The following ARHGAP26 variants were observed in gnomAD, a reference collection of about 807,000 sequenced individuals.
ARHGAP26 encodes Rho GTPase activating protein 26, also known as rho GTPase-activating protein 26.
A neutral mutation model predicts 104.8 loss-of-function variants in ARHGAP26; 38 were observed. That is an observed-to-expected ratio of 0.36 (90% confidence interval 0.28 to 0.48). The LOEUF (loss-of-function observed/expected upper bound fraction) is 0.48, where lower values mean the gene tolerates loss of function less well. Ranked by LOEUF, ARHGAP26 falls within the 20% of genes least tolerant of loss-of-function variation. The pLI, the probability that ARHGAP26 is intolerant of heterozygous loss-of-function variation, is 0.99. For missense variants in ARHGAP26, 704 were observed against 947.9 expected, an observed-to-expected ratio of 0.74 and a Z score of 3.38; for synonymous variants, 341 against 340.0, an observed-to-expected ratio of 1.00 and a Z score of -0.03.
intron 10 of ARHGAP26, among the ~76,000 whole-genome samples, chr5:142,924,584 T>G (rs1008409838): frequency 3.3e-5 from 5 of 152,224 alleles, no homozygotes; most frequent in African/African-American, 1.2e-4. Flanking sequence ...ACCTGTGGTT[T>G]GGGGGCTGCC....
chr5:142,805,103 TTTC>T (rs888808442), intron 1 of ARHGAP26, among the ~76,000 whole-genome samples: 1 of 151,852 alleles, frequency 6.6e-6, no homozygotes. Context: ...TTTCCTTTCT[TTTC>T]TTTTTTTTTT....
chr5:142,780,349 A>G (rs928404042), intron 1 of ARHGAP26, among the ~76,000 whole-genome samples: 5 of 152,234 alleles, frequency 3.3e-5, no homozygotes, highest in African/African-American at 9.6e-5. Flanking sequence ...ATGAGTGACA[A>G]ATTCCTAGAA....
At chr5:143,024,994 T>C (rs1174794423) in intron 12 of ARHGAP26, among the ~76,000 whole-genome samples, 1 of 152,196 alleles carries the variant, frequency 6.6e-6, no homozygotes, top group East Asian at 1.9e-4. Context: ...ATCTTTGGTT[T>C]TTTTGGAAGA....
intron 11 of ARHGAP26, among the ~76,000 whole-genome samples, chr5:142,939,546 T>A (rs1352639174): frequency 6.6e-6 from 1 of 152,240 alleles, no homozygotes. Flanking sequence ...AAATGGGCAA[T>A]TGCATTGCAT....
chr5:142,928,416 T>G (rs1005719731), intron 10 of ARHGAP26, among the ~76,000 whole-genome samples: 2 of 152,146 alleles, frequency 1.3e-5, no homozygotes, highest in Non-Finnish European at 2.9e-5. Context: ...ATGAAGCACT[T>G]TAGGTTTTTA....
chr5:143,154,398 T>G (rs1023068239), intron 20 of ARHGAP26, among the ~76,000 whole-genome samples: 1 of 152,216 alleles, frequency 6.6e-6, no homozygotes, highest in East Asian at 1.9e-4. Flanking sequence ...ATAGGTGGCA[T>G]GAAAATTAAG....
At chr5:143,041,963 G>T in intron 14 of ARHGAP26, 73 bp downstream of exon 14, 3 of 1,293,616 alleles carry the variant, frequency 2.3e-6, no homozygotes, top group Non-Finnish European at 2.2e-6. Flanking sequence ...CCAGGTCTGT[G>T]AGTAGATACA....
intron 17 of ARHGAP26, among the ~76,000 whole-genome samples, chr5:143,067,426 T>C (rs1163922904): frequency 3.9e-5 from 6 of 152,186 alleles, no homozygotes; most frequent in Admixed American, 3.9e-4. Flanking sequence ...CTAAAGAAGG[T>C]CATGCCTATA....
intron 19 of ARHGAP26, among the ~76,000 whole-genome samples, chr5:143,144,171 T>G (rs1225733884): frequency 6.6e-6 from 1 of 152,222 alleles, no homozygotes; most frequent in Non-Finnish European, 1.5e-5. Flanking sequence ...ATAATTGCCA[T>G]CAGTCCTTCT....
At chr5:142,798,551 G>T (rs143261813) in intron 1 of ARHGAP26, among the ~76,000 whole-genome samples, 108 of 152,324 alleles carry the variant, frequency 7.1e-4, no homozygotes, top group African/African-American at 2.6e-3. Flanking sequence ...ATGGAGTATT[G>T]TGTAGCATTT....
chr5:142,808,025 G>A (rs943694295), intron 1 of ARHGAP26, among the ~76,000 whole-genome samples: 1 of 151,962 alleles, frequency 6.6e-6, no homozygotes, highest in African/African-American at 2.4e-5. Context: ...CACGAGGTCA[G>A]GAGATCGAAA....
intron 1 of ARHGAP26, among the ~76,000 whole-genome samples, chr5:142,841,072 C>T (rs1349609025): frequency 6.6e-6 from 1 of 152,078 alleles, no homozygotes; most frequent in African/African-American, 2.4e-5. Context: ...TTAAGGATAT[C>T]CAGGGACCTC....
intron 11 of ARHGAP26, among the ~76,000 whole-genome samples, chr5:142,943,353 A>G (rs1766656443): frequency 6.6e-6 from 1 of 152,174 alleles, no homozygotes. Context: ...TATTTCTTAC[A>G]TTTTTGGAGT....
At chr5:142,879,304 G>A in intron 3 of ARHGAP26, 70 bp from the exon 4 acceptor site, 16 of 1,408,458 alleles carry the variant, frequency 1.1e-5, no homozygotes, top group East Asian at 2.3e-5. Context: ...ATCTCATGCT[G>A]GAGCTGCTGT....
At chr5:142,941,673 T>TTG (rs1379544197) in intron 11 of ARHGAP26, among the ~76,000 whole-genome samples, 1 of 152,252 alleles carries the variant, frequency 6.6e-6, no homozygotes, top group Non-Finnish European at 1.5e-5. Context: ...CTTATGTCCT[T>TTG]GTTCTCTTTG....
At chr5:142,771,015 C>T (rs1478888118) in intron 1 of ARHGAP26, 100 bp downstream of exon 1, 4 of 1,471,880 alleles carry the variant, frequency 2.7e-6, no homozygotes, top group Non-Finnish European at 2.7e-6. Context: ...GGTTTCTGCT[C>T]CCGGTACACT....
At chr5:142,826,193 A>G (rs1053380159) in intron 1 of ARHGAP26, among the ~76,000 whole-genome samples, 3 of 152,230 alleles carry the variant, frequency 2.0e-5, no homozygotes, top group Non-Finnish European at 2.9e-5. Context: ...TAACAGACTA[A>G]TGAACTGATG....
At chr5:142,787,191 T>C (rs774285291) in intron 1 of ARHGAP26, among the ~76,000 whole-genome samples, 1 of 152,194 alleles carries the variant, frequency 6.6e-6, no homozygotes, top group Non-Finnish European at 1.5e-5. Flanking sequence ...TAGTGGCTTA[T>C]TTTCTACCTC....
chr5:142,793,283 T>G (rs1226868990), intron 1 of ARHGAP26, among the ~76,000 whole-genome samples: 1 of 146,796 alleles, frequency 6.8e-6, no homozygotes, highest in Non-Finnish European at 1.5e-5. Flanking sequence ...TTAATCTATC[T>G]TTCTTTAGAG....
Sources: gnomAD v4.1 joint callset for allele counts (sites outside exome capture counted in the v4.1 genomes callset) on GRCh38, gnomAD v4.1.1 for gene constraint, MANE v1.5 for transcripts, NCBI Gene and HGNC (gene_info 2026-07-23, HGNC 2026-07-21) for gene names.